BLTP3B: variants seen among roughly 807,000 people sequenced by gnomAD.
The protein encoded by BLTP3B is bridge-like lipid transfer protein family member 3B.
At chr12:100,120,081 C>CT in the BLTP3B span, among the ~76,000 whole-genome samples, 1 of 152,182 alleles carries the variant, frequency 6.6e-6, no homozygotes, top group African/African-American at 2.4e-5. Context: ...AGACAATTCA[C>CT]TAACAGGCAA....
At chr12:100,096,395 G>A in the BLTP3B span, among the ~76,000 whole-genome samples, 1 of 151,964 alleles carries the variant, frequency 6.6e-6, no homozygotes, top group Non-Finnish European at 1.5e-5. Flanking sequence ...ACTTAATTTT[G>A]CATTTATAGC....
chr12:100,079,720 A>T, the BLTP3B span, among the ~76,000 whole-genome samples: 3 of 152,220 alleles, frequency 2.0e-5, no homozygotes, highest in Non-Finnish European at 4.4e-5. Flanking sequence ...AATGGGGGAA[A>T]ATATCTCCCA....
the BLTP3B span, among the ~76,000 whole-genome samples, chr12:100,044,179 C>G: frequency 0.069 from 10,424 of 151,976 alleles, 391 homozygotes; most frequent in South Asian, 0.089. Flanking sequence ...TCTCACAGAC[C>G]TAAGCTATCC....
the BLTP3B span, among the ~76,000 whole-genome samples, chr12:100,038,902 G>A: frequency 2.0e-5 from 3 of 152,112 alleles, no homozygotes; most frequent in East Asian, 1.9e-4. Context: ...TTGCCTTATC[G>A]ACCAAGTGAG....
the BLTP3B span, among the ~76,000 whole-genome samples, chr12:100,139,617 C>T: frequency 2.0e-5 from 3 of 152,114 alleles, no homozygotes; most frequent in Non-Finnish European, 2.9e-5. Context: ...ACTGGTCATT[C>T]CCAAATCTAT....
At chr12:100,117,194 C>T in the BLTP3B span, among the ~76,000 whole-genome samples, 1 of 152,158 alleles carries the variant, frequency 6.6e-6, no homozygotes. Context: ...TTAGTGAGGG[C>T]TGCACATAGT....
chr12:100,083,039 G>C, the BLTP3B span: 1 of 1,613,520 alleles, frequency 6.2e-7, no homozygotes, highest in Non-Finnish European at 8.5e-7. Context: ...AAATCTGCAA[G>C]TCTAACCACA....
chr12:100,122,717 T>A, the BLTP3B span, among the ~76,000 whole-genome samples: 1 of 152,186 alleles, frequency 6.6e-6, no homozygotes, highest in Non-Finnish European at 1.5e-5. Flanking sequence ...CATAGTTTGC[T>A]CCCTGCTTTA....
At chr12:100,107,506 G>A in the BLTP3B span, among the ~76,000 whole-genome samples, 24 of 151,246 alleles carry the variant, frequency 1.6e-4, no homozygotes, top group African/African-American at 5.3e-4. Flanking sequence ...GTGGTGGCAC[G>A]TGCCTGAAAT....
chr12:100,124,955 T>C, the BLTP3B span, among the ~76,000 whole-genome samples: 1 of 86,958 alleles, frequency 1.1e-5, no homozygotes, highest in African/African-American at 5.3e-5. Context: ...TATATATATA[T>C]ATATATATAT....
At chr12:100,099,803 CTG>C in the BLTP3B span, among the ~76,000 whole-genome samples, 1 of 151,272 alleles carries the variant, frequency 6.6e-6, no homozygotes, top group Non-Finnish European at 1.5e-5. Context: ...TGGTGCATGT[CTG>C]TGGTCCCAGC....
the BLTP3B span, among the ~76,000 whole-genome samples, chr12:100,067,248 C>A: frequency 6.6e-6 from 1 of 151,988 alleles, no homozygotes; most frequent in Non-Finnish European, 1.5e-5. Context: ...TGAAACAGCA[C>A]AAACAGACAA....
the BLTP3B span, among the ~76,000 whole-genome samples, chr12:100,110,607 A>G: frequency 6.6e-6 from 1 of 152,152 alleles, no homozygotes; most frequent in Non-Finnish European, 1.5e-5. Context: ...GACGGATCAA[A>G]TGGCACAACT....
chr12:100,039,515 T>C, the BLTP3B span: 6 of 1,331,782 alleles, frequency 4.5e-6, no homozygotes, highest in Non-Finnish European at 5.1e-6. Context: ...TTAAAATAAG[T>C]AAACAATGTT....
At chr12:100,122,385 G>A in the BLTP3B span, among the ~76,000 whole-genome samples, 1 of 152,142 alleles carries the variant, frequency 6.6e-6, no homozygotes, top group East Asian at 1.9e-4. Flanking sequence ...CTAAAGTAGA[G>A]CCCAGACTAT....
the BLTP3B span, among the ~76,000 whole-genome samples, chr12:100,133,348 C>A: frequency 2.0e-5 from 3 of 152,222 alleles, no homozygotes; most frequent in African/African-American, 7.2e-5. Flanking sequence ...CATCCCCCAA[C>A]TTTCAAGAAA....
At chr12:100,069,879 AAAAT>A in the BLTP3B span, 4 of 904,204 alleles carry the variant, frequency 4.4e-6, no homozygotes, top group Non-Finnish European at 5.3e-6. Flanking sequence ...TTTTTAAATA[AAAAT>A]AAAATAGAAT....
the BLTP3B span, among the ~76,000 whole-genome samples, chr12:100,080,617 A>G: frequency 6.6e-6 from 1 of 152,154 alleles, no homozygotes; most frequent in Admixed American, 6.5e-5. Flanking sequence ...TATTTACCCA[A>G]TGCCTTGTAC....
chr12:100,139,775 T>C, the BLTP3B span, among the ~76,000 whole-genome samples: 1 of 152,224 alleles, frequency 6.6e-6, no homozygotes, highest in South Asian at 2.1e-4. Context: ...CCTGCTCTCA[T>C]AGAGTCTACA....
Sources: allele counts gnomAD v4.1 joint callset (sites outside exome capture counted in the v4.1 genomes callset), GRCh38; gene constraint gnomAD v4.1.1; transcripts MANE v1.5; gene names NCBI Gene and HGNC (gene_info 2026-07-23, HGNC 2026-07-21).